The following MEGF9 variants were observed in gnomAD, a reference collection of about 807,000 sequenced individuals.
The protein encoded by MEGF9 is multiple EGF like domains 9.
MEGF9 carries 6 observed loss-of-function variants against 46.8 expected under a neutral mutation model. The ratio of observed to expected loss-of-function variants is 0.13; its 90% CI spans 0.07 to 0.25. The LOEUF is 0.25. Ranked by LOEUF, MEGF9 falls within the 10% of genes least tolerant of loss-of-function variation. The pLI, the probability that MEGF9 is intolerant of heterozygous loss-of-function variation, is 1.00. For missense variants in MEGF9, 683 were observed against 792.4 expected (o/e 0.86, Z 1.66); for synonymous variants, 302 against 330.7 (o/e 0.91, Z 0.94).
chr9:120,668,855 A>G (rs149059474), intron 1 of MEGF9, among the ~76,000 whole-genome samples: 167 of 152,324 alleles, frequency 1.1e-3, no homozygotes, highest in African/African-American at 3.6e-3. Flanking sequence ...AATCAGTACC[A>G]AAGAAGAGAC....
intron 1 of MEGF9, among the ~76,000 whole-genome samples, chr9:120,699,009 G>A (rs1281952620): frequency 2.0e-5 from 3 of 152,160 alleles, no homozygotes; most frequent in Non-Finnish European, 2.9e-5. Context: ...CAGGGGCCAC[G>A]TGAACCAAAG....
At chr9:120,607,353 T>C (rs1343421743) in intron 5 of MEGF9, among the ~76,000 whole-genome samples, 1 of 152,242 alleles carries the variant, frequency 6.6e-6, no homozygotes, top group African/African-American at 2.4e-5. Context: ...CTCCAGCTTC[T>C]CAGCTGGAAC....
rs2043395562 is a variant in MEGF9 at position 120,601,439 on chromosome 9, A to G, written c.*3751T>C. 1 of 152,260 alleles carries G rather than the reference A, an allele frequency of 6.6e-6. No homozygotes were observed. Among genetic ancestry groups the G allele is most frequent in the Admixed American group, 6.5e-5 (1 of 15,280 alleles). The allele number at this position is 152,260 out of a possible 1,614,324, so 9.4% of individuals were successfully genotyped here. ...TGCTTTAGTTTTCTACTCCCAAAAC[A>G]GCACTTAAAGGGTTAAATATCCTGA... On this transcript the variant is annotated 3_prime_UTR_variant, in exon 6 of 6. Coordinates refer to ENST00000373930, the MANE Select transcript of MEGF9 (RefSeq NM_001080497.3).
At chr9:120,672,019 T>A (rs977243361) in intron 1 of MEGF9, among the ~76,000 whole-genome samples, 2 of 152,190 alleles carry the variant, frequency 1.3e-5, no homozygotes, top group Non-Finnish European at 2.9e-5. Flanking sequence ...TCATCTCAAC[T>A]GATGCAAGAA....
chr9:120,691,003 T>C (rs966396), intron 1 of MEGF9, among the ~76,000 whole-genome samples: 104,604 of 152,046 alleles, frequency 0.69, 36,185 homozygotes, highest in South Asian at 0.75. Context: ...TTGTTTGCAG[T>C]TAATATGACC....
chr9:120,696,569 GCTTT>G (rs138399281), intron 1 of MEGF9, among the ~76,000 whole-genome samples: 2,412 of 152,242 alleles, frequency 0.016, 61 homozygotes, highest in African/African-American at 0.055. Flanking sequence ...ACAGATGATT[GCTTT>G]ATTAATAATG....
intron 3 of MEGF9, among the ~76,000 whole-genome samples, chr9:120,620,204 T>A (rs2043492132): frequency 1.3e-5 from 2 of 152,180 alleles, no homozygotes; most frequent in Admixed American, 1.3e-4. Context: ...CTCGTTGCCT[T>A]AAGAAAAATT....
At chr9:120,635,510 T>C (rs1386653524) in intron 2 of MEGF9, among the ~76,000 whole-genome samples, 2 of 152,184 alleles carry the variant, frequency 1.3e-5, no homozygotes, top group East Asian at 3.8e-4. Context: ...TTCATTCATA[T>C]TTCTCTCTCT....
chr9:120,696,027 G>C (rs1156461479), intron 1 of MEGF9, among the ~76,000 whole-genome samples: 2 of 152,200 alleles, frequency 1.3e-5, no homozygotes, highest in Non-Finnish European at 2.9e-5. Context: ...GATGGATGGA[G>C]TATGACAAGT....
At chr9:120,650,085 TG>T (rs936776185) in intron 2 of MEGF9, among the ~76,000 whole-genome samples, 2 of 152,020 alleles carry the variant, frequency 1.3e-5, no homozygotes, top group African/African-American at 4.8e-5. Flanking sequence ...GCCAAGATGG[TG>T]AAATCCCGTC....
intron 2 of MEGF9, among the ~76,000 whole-genome samples, chr9:120,640,324 A>G (rs1416895209): frequency 3.9e-5 from 6 of 152,086 alleles, no homozygotes; most frequent in Non-Finnish European, 4.4e-5. Context: ...GGCATGCTCT[A>G]TTACTTCTTT....
At chr9:120,675,744 CG>C (rs1291725422) in intron 1 of MEGF9, among the ~76,000 whole-genome samples, 1 of 151,672 alleles carries the variant, frequency 6.6e-6, no homozygotes, top group Admixed American at 6.6e-5. Flanking sequence ...AAAAATTAGC[CG>C]GGTGTGGTGG....
chr9:120,604,991 C>G lies in MEGF9; in HGVS notation c.*199G>C, dbSNP rs949554753. ...TATACTTTACTTCAAGTCCTAATGACAGTGAACGCTTCAGATCTTCATGGG... is the reference window on the plus strand; with the variant it reads ...TATACTTTACTTCAAGTCCTAATGAGAGTGAACGCTTCAGATCTTCATGGG... On this transcript the variant is annotated 3_prime_UTR_variant, in exon 6 of 6. Coordinates refer to ENST00000373930, the MANE Select transcript of MEGF9 (RefSeq NM_001080497.3). 3.5e-5 allele frequency: 21 copies of G among 599,716 alleles called. No homozygotes were observed. The African/African-American group carries it at 3.5e-4, about 10-fold the overall frequency. 37.1% of individuals were successfully genotyped at this position (599,716 alleles called of 1,614,324 possible).
intron 1 of MEGF9, among the ~76,000 whole-genome samples, chr9:120,680,211 T>C (rs2043791874): frequency 6.6e-6 from 1 of 152,180 alleles, no homozygotes; most frequent in Admixed American, 6.5e-5. Flanking sequence ...TTTTCCTGGA[T>C]GGTGTTGATA....
At chr9:120,692,368 T>G (rs1465170372) in intron 1 of MEGF9, among the ~76,000 whole-genome samples, 3 of 152,184 alleles carry the variant, frequency 2.0e-5, no homozygotes, top group Admixed American at 2.0e-4. Context: ...GACAGGAAAC[T>G]AATTCATAAA....
intron 2 of MEGF9, among the ~76,000 whole-genome samples, chr9:120,655,150 C>A (rs1005693202): frequency 6.6e-6 from 1 of 152,090 alleles, no homozygotes. Context: ...CAGTAGTGTA[C>A]AATAATATCC....
At chr9:120,618,823 C>T (rs1347405294) in intron 3 of MEGF9, among the ~76,000 whole-genome samples, 1 of 151,274 alleles carries the variant, frequency 6.6e-6, no homozygotes, top group African/African-American at 2.4e-5. Context: ...TCGCTTGAAC[C>T]CGGGAGCCAG....
At chr9:120,638,742 T>A (rs2043589812) in intron 2 of MEGF9, among the ~76,000 whole-genome samples, 1 of 152,236 alleles carries the variant, frequency 6.6e-6, no homozygotes, top group Non-Finnish European at 1.5e-5. Context: ...TTCTTCTGAT[T>A]AGTAATGAGA....
intron 2 of MEGF9, among the ~76,000 whole-genome samples, chr9:120,657,877 T>G (rs946785243): frequency 2.6e-5 from 4 of 152,192 alleles, no homozygotes; most frequent in African/African-American, 9.6e-5. Flanking sequence ...AACCTATATA[T>G]AAGGAGTTGC....
Sources: gnomAD v4.1 joint callset for allele counts (sites outside exome capture counted in the v4.1 genomes callset) on GRCh38, gnomAD v4.1.1 for gene constraint, MANE v1.5 for transcripts, NCBI Gene and HGNC (gene_info 2026-07-23, HGNC 2026-07-21) for gene names.